Variants in GPR107 observed in about 807,000 individuals in gnomAD.
GPR107 encodes the protein G protein-coupled receptor 107.
GPR107 carries 31 observed loss-of-function variants against 75.5 expected under a neutral mutation model. The observed-to-expected ratio is 0.41, with a 90% CI of 0.31 to 0.55. GPR107 has a LOEUF of 0.55. Ranked by LOEUF, GPR107 falls within the 20% of genes least tolerant of loss-of-function variation. GPR107 has a pLI of 0.26. For missense variants in GPR107, 572 were observed against 665.7 expected (o/e 0.86, Z 1.55); for synonymous variants, 267 against 251.3 (o/e 1.06, Z -0.59).
chr9:130,111,508 G>A (rs1831301989), intron 14 of GPR107, among the ~76,000 whole-genome samples: 1 of 152,036 alleles, frequency 6.6e-6, no homozygotes, highest in South Asian at 2.1e-4. Flanking sequence ...CTCCAGCTTG[G>A]GCAACAGAGC....
rs1831989008 is a variant in GPR107, at chr9:130,137,506, A to G, written c.*2385A>G. 1 of 152,252 alleles carries G rather than the reference A, an allele frequency of 6.6e-6. No individual in the cohort carries two copies. Among genetic ancestry groups the G allele is most frequent in the African/African-American group, 2.4e-5 (1 of 41,462 alleles). 9.4% of individuals were successfully genotyped at this position (152,252 alleles called of 1,614,324 possible). A position where few individuals can be genotyped will look rare whatever the true frequency, so the allele number is the denominator to read the frequency against. On this transcript the variant is annotated 3_prime_UTR_variant, in exon 18 of 18. Transcript: ENST00000347136. ...AAGCAGGTCATCTGGCCATGTCTGT[A>G]TTGTAACTGGTAAAAGGCTTCAAGT...
chr9:130,130,246 A>G (rs1377207164), intron 17 of GPR107, among the ~76,000 whole-genome samples: 2 of 152,232 alleles, frequency 1.3e-5, no homozygotes, highest in Non-Finnish European at 2.9e-5. Flanking sequence ...CAGCAAGTTA[A>G]AAAGTATCGG....
intron 9 of GPR107, among the ~76,000 whole-genome samples, chr9:130,096,843 G>A (rs1019321100): frequency 6.6e-6 from 1 of 152,202 alleles, no homozygotes; most frequent in Non-Finnish European, 1.5e-5. Flanking sequence ...AATATCTATA[G>A]ACGTTGTTGT....
intron 14 of GPR107, among the ~76,000 whole-genome samples, chr9:130,116,834 A>G (rs540916432): frequency 6.6e-6 from 1 of 152,118 alleles, no homozygotes; most frequent in South Asian, 2.1e-4. Flanking sequence ...GATGCTTTTT[A>G]TTTATCATTT....
Position 130,073,200 on chromosome 9 carries a change from G to A in GPR107, c.142-2436G>A, listed in dbSNP as rs545431131. Among the ~76,000 whole-genome samples, 3 of 152,300 alleles carry A rather than the reference G, an allele frequency of 2.0e-5. No individual in the cohort carries two copies. The South Asian group carries it at 6.2e-4, about 32-fold the overall frequency. ...TTGTTTTATGTGGCAGAAATTGTGT[G>A]TTCATTTTCCCTCATCCTCTCCCTC... On this transcript the variant is annotated intron_variant, in intron 1 of 17. Coordinates refer to ENST00000347136, the MANE Select transcript of GPR107 (RefSeq NM_020960.5).
intron 7 of GPR107, among the ~76,000 whole-genome samples, chr9:130,088,123 C>G (rs1830656737): frequency 6.6e-6 from 1 of 152,188 alleles, no homozygotes; most frequent in African/African-American, 2.4e-5. Context: ...CCTCCAACAG[C>G]TTTCCATCTG....
At position 130,077,291 on chromosome 9, in the gene GPR107, T is replaced by G; in HGVS notation, c.307-8T>G. 6.8e-7 allele frequency: 1 copy of G among 1,468,406 alleles called. No individual in the cohort carries two copies. The highest frequency in any genetic ancestry group is 9.6e-7 in the Non-Finnish European group (1 of 1,047,012). The allele number at this position is 1,468,406 out of a possible 1,614,324, so 91.0% of individuals were successfully genotyped here. A position where few individuals can be genotyped will look rare whatever the true frequency, so the allele number is the denominator to read the frequency against. On this transcript the variant is annotated splice_region_variant and splice_polypyrimidine_tract_variant and intron_variant, in intron 3 of 17. Coordinates refer to ENST00000347136, the MANE Select transcript of GPR107 (RefSeq NM_020960.5). ...AAGATGATGTACAATTGGCTCTTCC[T>G]TTCTCAGGATGAAGATGTGAATTAC...
At chr9:130,099,341 T>G in intron 9 of GPR107, 116 bp from the exon 10 acceptor site, 2 of 632,344 alleles carry the variant, frequency 3.2e-6, no homozygotes, top group Non-Finnish European at 2.8e-6. Context: ...TTCATGTTTG[T>G]GGTTTGCACA....
intron 10 of GPR107, 78 bp from the exon 11 acceptor site, chr9:130,100,551 A>T (rs10081664): frequency 0.98 from 1,030,352 of 1,047,050 alleles, 507,109 homozygotes; most frequent in East Asian, 1. Flanking sequence ...TAATTTCCCA[A>T]ATGGGTCCAA....
At chr9:130,084,951 G>A (rs1589499584) in intron 6 of GPR107, among the ~76,000 whole-genome samples, 2 of 152,096 alleles carry the variant, frequency 1.3e-5, no homozygotes, top group Non-Finnish European at 2.9e-5. Context: ...AGGGAGGGGA[G>A]GAAGAATGCC....
chr9:130,101,053 C>A, intron 11 of GPR107, 53 bp from the exon 12 acceptor site: 2 of 982,684 alleles, frequency 2.0e-6, no homozygotes, highest in Non-Finnish European at 3.3e-6. Context: ...ATCTAACTGG[C>A]AGTGAGAGTC....
chr9:130,127,759 G>A (rs1345225383), intron 16 of GPR107, among the ~76,000 whole-genome samples, 193 bp downstream of exon 16: 1 of 152,044 alleles, frequency 6.6e-6, no homozygotes, highest in Non-Finnish European at 1.5e-5. Context: ...CTGGAGTGCA[G>A]TGGCGCAATC....
At chr9:130,075,508 A>C in intron 1 of GPR107, 128 bp from the exon 2 acceptor site, 1 of 567,142 alleles carries the variant, frequency 1.8e-6, no homozygotes, top group South Asian at 2.0e-5. Context: ...AGTCTCCCAA[A>C]GTGGTGGGAT....
At chr9:130,082,754 T>C (rs542799) in intron 5 of GPR107, among the ~76,000 whole-genome samples, 151,823 of 152,194 alleles carry the variant, frequency 1, 75,729 homozygotes, top group Non-Finnish European at 1. Context: ...GCTGGGATTA[T>C]AGGCATGAGC....
rs759149261 is a variant in GPR107 at position 130,128,722 on chromosome 9, A to C, written c.1523A>C (p.Gln508Pro). The change falls in exon 17 of 18, where the codon CAA becomes CCA. Residue 508 changes from glutamine to proline, a missense_variant. Gln to Pro is a moderately conservative substitution (Grantham distance 76, BLOSUM62 -1). Coordinates refer to ENST00000347136, the MANE Select transcript of GPR107 (RefSeq NM_020960.5). ...FRPASDNPYLQLSQEEEDLEM... is the reference protein window; with the variant it reads ...FRPASDNPYLPLSQEEEDLEM... Reference sequence around the variant, plus strand: ...CCGGCTTCAGATAACCCCTACCTACAACTTTCTCAGGAAGAAGAAGACTTG... The same window carrying C: ...CCGGCTTCAGATAACCCCTACCTACCACTTTCTCAGGAAGAAGAAGACTTG... 1.2e-6 allele frequency: 2 copies of C among 1,613,036 alleles called. No individual in the cohort carries two copies. Among genetic ancestry groups the C allele is most frequent in the Non-Finnish European group, 1.7e-6 (2 of 1,179,104 alleles).
Position 130,127,560 on chromosome 9 carries a change from C to T in GPR107, c.1434C>T (p.Leu478=), listed in dbSNP as rs746014258. The change falls in exon 16 of 18, where the codon CTC becomes CTT. Residue 478 remains leucine, a synonymous_variant. Coordinates refer to ENST00000347136, the MANE Select transcript of GPR107 (RefSeq NM_020960.5). ...KLAVPFQWKW[L]YQLLDETATL... ...CTGTTCCATTCCAGTGGAAGTGGCT[C>T]TACCAGGTACGCTGCTCACAGGGCA... 8 of 1,562,476 alleles carry T rather than the reference C, an allele frequency of 5.1e-6. No homozygotes were observed. Among genetic ancestry groups the T allele is most frequent in the Non-Finnish European group, 7.1e-6 (8 of 1,132,942 alleles).
intron 1 of GPR107, among the ~76,000 whole-genome samples, chr9:130,062,670 C>T (rs1263462218): frequency 5.0e-5 from 7 of 139,318 alleles, no homozygotes; most frequent in African/African-American, 2.1e-4. Flanking sequence ...GCCTTCCTTC[C>T]TTCCTTCCTT....
At chr9:130,080,131 AC>A (rs1393434205) in intron 5 of GPR107, among the ~76,000 whole-genome samples, 1 of 152,226 alleles carries the variant, frequency 6.6e-6, no homozygotes, top group Non-Finnish European at 1.5e-5. Flanking sequence ...TTAAGCAGAT[AC>A]TGTAATTTGC....
At chr9:130,124,584 A>G (rs930116660) in intron 14 of GPR107, among the ~76,000 whole-genome samples, 1 of 152,092 alleles carries the variant, frequency 6.6e-6, no homozygotes, top group African/African-American at 2.4e-5. Context: ...TGGGGGGAAA[A>G]AATTCCTGAT....
Sources: allele counts gnomAD v4.1 joint callset (sites outside exome capture counted in the v4.1 genomes callset), GRCh38; gene constraint gnomAD v4.1.1; transcripts MANE v1.5; gene names NCBI Gene and HGNC (gene_info 2026-07-23, HGNC 2026-07-21).